The following LRMDA variants were observed in gnomAD, a reference collection of about 807,000 sequenced individuals.
LRMDA encodes leucine-rich melanocyte differentiation-associated protein.
LRMDA carries 18 observed loss-of-function variants against 29.8 expected under a neutral mutation model. The observed-to-expected ratio is 0.60, with a 90% CI of 0.42 to 0.90. The LOEUF (loss-of-function observed/expected upper bound fraction) is 0.90. LRMDA is among the 40% of genes least tolerant of loss of function. LRMDA has a pLI of 0.00. For missense variants in LRMDA, 273 were observed against 273.9 expected (o/e 1.00, Z 0.02); for synonymous variants, 125 against 109.4 (o/e 1.14, Z -0.89).
chr10:75,518,335 A>G (rs1341194738), intron 2 of LRMDA, among the ~76,000 whole-genome samples: 2 of 152,044 alleles, frequency 1.3e-5, no homozygotes, highest in African/African-American at 4.8e-5. Context: ...CTGGTCCTGG[A>G]CTTTTTTTGG....
intron 2 of LRMDA, among the ~76,000 whole-genome samples, chr10:75,484,800 G>C (rs966759135): frequency 6.6e-6 from 1 of 152,204 alleles, no homozygotes; most frequent in Non-Finnish European, 1.5e-5. Flanking sequence ...TCCAGGAAAA[G>C]AGGCCTCACT....
intron 2 of LRMDA, among the ~76,000 whole-genome samples, chr10:75,818,392 G>C (rs114217715): frequency 5.3e-4 from 80 of 152,280 alleles, no homozygotes; most frequent in African/African-American, 1.9e-3. Context: ...GCAGTATTTT[G>C]TTTTTACTCT....
intron 2 of LRMDA, among the ~76,000 whole-genome samples, chr10:75,888,125 G>A (rs1009290364): frequency 1.3e-5 from 2 of 152,018 alleles, no homozygotes; most frequent in Non-Finnish European, 2.9e-5. Flanking sequence ...TCCTGTAATC[G>A]TTGTCCAACA....
chr10:75,754,917 A>G (rs543581916), intron 2 of LRMDA, among the ~76,000 whole-genome samples: 3 of 152,242 alleles, frequency 2.0e-5, no homozygotes, highest in East Asian at 3.9e-4. Context: ...ATTTTATTCT[A>G]TGGATTTCCT....
intron 3 of LRMDA, among the ~76,000 whole-genome samples, chr10:76,037,190 T>G (rs1238689190): frequency 1.3e-5 from 2 of 152,234 alleles, no homozygotes; most frequent in African/African-American, 4.8e-5. Flanking sequence ...TCCTGGATGA[T>G]TCAGTGTCAA....
chr10:76,345,167 C>T (rs1841089635), intron 6 of LRMDA, among the ~76,000 whole-genome samples: 1 of 145,674 alleles, frequency 6.9e-6, no homozygotes, highest in Non-Finnish European at 1.5e-5. Flanking sequence ...CCCGGGTTCA[C>T]GCCATTCTCC....
intron 2 of LRMDA, among the ~76,000 whole-genome samples, chr10:75,965,636 T>C (rs1368810452): frequency 6.6e-6 from 1 of 152,234 alleles, no homozygotes; most frequent in Non-Finnish European, 1.5e-5. Flanking sequence ...TCTGTGGTGC[T>C]GTTATGGCTT....
At chr10:76,253,838 C>T (rs1359754359) in intron 5 of LRMDA, among the ~76,000 whole-genome samples, 1 of 152,024 alleles carries the variant, frequency 6.6e-6, no homozygotes, top group Non-Finnish European at 1.5e-5. Flanking sequence ...GTCTAGACAC[C>T]AGGCATCTCC....
At chr10:75,661,976 C>G (rs928870177) in intron 2 of LRMDA, among the ~76,000 whole-genome samples, 3 of 152,100 alleles carry the variant, frequency 2.0e-5, no homozygotes, top group Non-Finnish European at 4.4e-5. Context: ...TTTTGTTTCC[C>G]CCTACCCTGT....
chr10:76,299,156 CGTGTGTGTGT>C (rs111635114), intron 5 of LRMDA, among the ~76,000 whole-genome samples: 3 of 147,206 alleles, frequency 2.0e-5, no homozygotes, highest in Non-Finnish European at 3.0e-5. Flanking sequence ...AGAGAAGAGC[CGTGTGTGTGT>C]GTGTGTGTGT....
At chr10:75,495,432 G>A (rs1305119087) in intron 2 of LRMDA, among the ~76,000 whole-genome samples, 3 of 151,684 alleles carry the variant, frequency 2.0e-5, no homozygotes, top group African/African-American at 7.3e-5. Context: ...CATTTTTTGA[G>A]TGCCAAGTCT....
At chr10:76,488,607 T>G (rs1842805059) in intron 6 of LRMDA, among the ~76,000 whole-genome samples, 1 of 151,928 alleles carries the variant, frequency 6.6e-6, no homozygotes, top group African/African-American at 2.4e-5. Context: ...TTATTAAAAA[T>G]AAAGCAGCCA....
chr10:75,603,656 A>G (rs893912177), intron 2 of LRMDA, among the ~76,000 whole-genome samples: 1 of 152,170 alleles, frequency 6.6e-6, no homozygotes, highest in Non-Finnish European at 1.5e-5. Flanking sequence ...AACATTTTCC[A>G]TTTAATTTGA....
chr10:75,877,161 G>T (rs1845212172), intron 2 of LRMDA, among the ~76,000 whole-genome samples: 1 of 152,192 alleles, frequency 6.6e-6, no homozygotes, highest in Non-Finnish European at 1.5e-5. Flanking sequence ...CTTCACCACA[G>T]TCTCAGCCTT....
At chr10:76,474,834 G>T (rs1231538171) in intron 6 of LRMDA, among the ~76,000 whole-genome samples, 4 of 151,546 alleles carry the variant, frequency 2.6e-5, no homozygotes, top group Non-Finnish European at 4.4e-5. Context: ...GTTAAATATT[G>T]AGCAATTCCA....
intron 2 of LRMDA, among the ~76,000 whole-genome samples, chr10:75,620,762 G>A (rs1056510597): frequency 8.5e-5 from 13 of 152,138 alleles, no homozygotes; most frequent in Non-Finnish European, 1.5e-4. Context: ...GGCAGGGTGG[G>A]TATTACATTT....
At chr10:76,164,822 G>A (rs1371399766) in intron 5 of LRMDA, among the ~76,000 whole-genome samples, 1 of 152,080 alleles carries the variant, frequency 6.6e-6, no homozygotes, top group Non-Finnish European at 1.5e-5. Context: ...TTTTCCAGCT[G>A]TAAAATTGGA....
intron 2 of LRMDA, among the ~76,000 whole-genome samples, chr10:75,891,837 G>T (rs1028940202): frequency 1.3e-5 from 2 of 152,120 alleles, no homozygotes; most frequent in African/African-American, 4.8e-5. Context: ...TGGCAAGGAG[G>T]GGCAGATTTG....
chr10:75,819,469 G>T (rs1309801188), intron 2 of LRMDA, among the ~76,000 whole-genome samples: 1 of 152,136 alleles, frequency 6.6e-6, no homozygotes, highest in Non-Finnish European at 1.5e-5. Context: ...CTTTTTGGTA[G>T]GGGAAATGCT....
Sources: allele counts gnomAD v4.1 joint callset (sites outside exome capture counted in the v4.1 genomes callset), GRCh38; gene constraint gnomAD v4.1.1; transcripts MANE v1.5; gene names NCBI Gene and HGNC (gene_info 2026-07-23, HGNC 2026-07-21).